The following ATP2C2 variants were observed in gnomAD, a reference collection of about 807,000 sequenced individuals.
The protein encoded by ATP2C2 is ATPase secretory pathway Ca2+ transporting 2.
In ATP2C2, 171 loss-of-function variants were observed where a neutral mutation model predicts 110.8. The observed-to-expected ratio is 1.54, with a 90% CI of 1.36 to 1.75. ATP2C2 has a LOEUF of 1.75. ATP2C2 is among the 40% of genes most tolerant of loss of function. The probability of loss-of-function intolerance (pLI) is 0.00; values close to 1 mark genes in which losing one functional copy is unlikely to be tolerated. For synonymous variants in ATP2C2, 804 were observed against 508.4 expected, an observed-to-expected ratio of 1.58 and a Z score of -7.82; for missense variants, 1,963 against 1,235.0, an observed-to-expected ratio of 1.59 and a Z score of -8.84.
At position 84,448,601 on chromosome 16, in the gene ATP2C2, C is replaced by A. The variant is rs1909976522; in HGVS notation, c.1572C>A (p.Asn524Lys). 6.2e-7 allele frequency: 1 copy of A among 1,614,116 alleles called. No homozygotes were observed. The highest frequency in any genetic ancestry group is 1.3e-5 in the African/African-American group (1 of 75,052). ...TGATCCGCTACTGCACCATGTACAACAACGGGGGCATCCCCCTGCCGCTGA... is the reference window on the plus strand; with the variant it reads ...TGATCCGCTACTGCACCATGTACAAAAACGGGGGCATCCCCCTGCCGCTGA... ...EEVIRYCTMY[N>K]NGGIPLPLTP... The change falls in exon 17 of 27, where the codon AAC (asparagine) becomes AAA (lysine). Residue 524 changes from asparagine (N) to lysine (K), a missense_variant. Coordinates refer to ENST00000262429, the MANE Select transcript of ATP2C2 (RefSeq NM_014861.4).
chr16:84,423,314 C>T (rs1907523292), intron 10 of ATP2C2, 51 bp downstream of exon 10: 2 of 1,540,402 alleles, frequency 1.3e-6, no homozygotes, highest in Non-Finnish European at 1.8e-6. Context: ...GGAGGGGAGC[C>T]ATCATAGGGG....
intron 14 of ATP2C2, among the ~76,000 whole-genome samples, chr16:84,441,618 C>T (rs1909266570): frequency 6.6e-6 from 1 of 152,078 alleles, no homozygotes; most frequent in Admixed American, 6.6e-5. Flanking sequence ...CTTGGTTTTG[C>T]AGATTAAAAA....
intron 15 of ATP2C2, among the ~76,000 whole-genome samples, chr16:84,445,623 G>A (rs1275749715): frequency 6.6e-6 from 1 of 152,160 alleles, no homozygotes; most frequent in Non-Finnish European, 1.5e-5. Context: ...TCCGAGGTTA[G>A]GACTTCAACA....
chr16:84,385,712 C>T (rs756008446), intron 1 of ATP2C2, among the ~76,000 whole-genome samples: 62 of 152,152 alleles, frequency 4.1e-4, no homozygotes, highest in Admixed American at 8.5e-4. Context: ...CTTCACAGAG[C>T]GGCAGGAGAG....
chr16:84,415,856 T>A (rs1906788466), intron 7 of ATP2C2, among the ~76,000 whole-genome samples: 1 of 152,162 alleles, frequency 6.6e-6, no homozygotes, highest in African/African-American at 2.4e-5. Flanking sequence ...CAGGCTGCAA[T>A]AACAAATTAA....
intron 1 of ATP2C2, among the ~76,000 whole-genome samples, 180 bp downstream of exon 1, chr16:84,368,894 G>C (rs1909790654): frequency 6.6e-6 from 1 of 152,220 alleles, no homozygotes; most frequent in Non-Finnish European, 1.5e-5. Context: ...CTGGCGCGGG[G>C]AGCTCAGCAT....
chr16:84,443,519 C>A (rs1909461710), intron 15 of ATP2C2, among the ~76,000 whole-genome samples: 1 of 152,216 alleles, frequency 6.6e-6, no homozygotes, highest in South Asian at 2.1e-4. Context: ...GAGCCTGGCC[C>A]CTGCACTCAC....
chr16:84,420,222 C>G lies in ATP2C2; in HGVS notation c.625-2168C>G, dbSNP rs556108225. 4.0e-3 allele frequency among the ~76,000 whole-genome samples: 616 copies of G among 152,262 alleles called. 2 individuals are homozygous for G. Among genetic ancestry groups the G allele is most frequent in the African/African-American group, 0.014 (576 of 41,550 alleles). On this transcript the variant is annotated intron_variant, in intron 7 of 26. Coordinates refer to ENST00000262429, the MANE Select transcript of ATP2C2 (RefSeq NM_014861.4). ...CCAGTGCTTGTTTATCGTCATTTCC[C>G]CCACCTCCTCCATGGAGTATCATCT... is the stretch of plus-strand genomic sequence containing the variant.
In ATP2C2 at chr16:84,463,869, AGCTGCAGG is replaced by A; in HGVS notation, c.*138_*145del. 1.3e-6 allele frequency: 1 copy of A among 793,144 alleles called. No individual in the cohort carries two copies. Among genetic ancestry groups the A allele is most frequent in the Non-Finnish European group, 2.1e-6 (1 of 486,206 alleles). 49.1% of individuals were successfully genotyped at this position (793,144 alleles called of 1,614,324 possible). A position where few individuals can be genotyped will look rare whatever the true frequency, so the allele number is the denominator to read the frequency against. On this transcript the variant is annotated 3_prime_UTR_variant, in exon 27 of 27. Coordinates refer to ENST00000262429, the MANE Select transcript of ATP2C2 (RefSeq NM_014861.4). ...CCGGATCAGTTTTTCCTCTTAGGAA[AGCTGCAGG>A]AACCTCGTGGGCTCCAGGGACCCAG... is the stretch of plus-strand genomic sequence containing the variant.
At chr16:84,428,585 G>C (rs981389177) in intron 11 of ATP2C2, among the ~76,000 whole-genome samples, 1 of 152,172 alleles carries the variant, frequency 6.6e-6, no homozygotes, top group Admixed American at 6.5e-5. Context: ...AATATTATGT[G>C]ATGATGTGGG....
At chr16:84,462,419 T>C (rs765617764) in intron 26 of ATP2C2, 16 of 328,776 alleles carry the variant, frequency 4.9e-5, no homozygotes, top group Admixed American at 8.2e-5. Context: ...TCAGAGCACG[T>C]GCAGGGAGGA....
At chr16:84,461,967 C>T (rs1008875991) in intron 25 of ATP2C2, 21 bp from the exon 26 acceptor site, 40 of 1,611,500 alleles carry the variant, frequency 2.5e-5, no homozygotes, top group Admixed American at 3.3e-5. Flanking sequence ...CACAATCCCC[C>T]GTGTGACCTT....
At chr16:84,393,594 TGAG>T in intron 1 of ATP2C2, among the ~76,000 whole-genome samples, 1 of 151,906 alleles carries the variant, frequency 6.6e-6, no homozygotes, top group South Asian at 2.1e-4. Context: ...TGTTGGCAAA[TGAG>T]GAAGGAGCAG....
At chr16:84,431,782 C>T (rs980089442) in intron 11 of ATP2C2, among the ~76,000 whole-genome samples, 6 of 152,144 alleles carry the variant, frequency 3.9e-5, no homozygotes, top group Admixed American at 2.6e-4. Context: ...CAATACGCCA[C>T]GCCAGGCTGT....
intron 1 of ATP2C2, among the ~76,000 whole-genome samples, chr16:84,397,662 A>AAAAAAAAAAAAAAAAAAC (rs1567694759): frequency 6.8e-6 from 1 of 146,614 alleles, no homozygotes; most frequent in African/African-American, 2.5e-5. Context: ...TGACAAAAAA[A>AAAAAAAAAAAAAAAAAAC]AAAAAAAAAA....
intron 7 of ATP2C2, among the ~76,000 whole-genome samples, chr16:84,416,219 C>T (rs528863474): frequency 3.2e-4 from 48 of 152,248 alleles, no homozygotes; most frequent in African/African-American, 1.1e-3. Context: ...GGGCAAGCTT[C>T]GTGGGTCTCT....
intron 23 of ATP2C2, 155 bp from the exon 24 acceptor site, chr16:84,460,499 C>T (rs542788343): frequency 7.9e-5 from 79 of 1,006,040 alleles, no homozygotes; most frequent in East Asian, 3.1e-4. Flanking sequence ...TGGAAGGTGC[C>T]GAGGAGGGCA....
Position 84,459,274 on chromosome 16 carries a change from ATCTCCGCCCTGAGTC to A in ATP2C2, c.2224_2238del (p.Ser742_Leu746del). 1 of 1,614,190 alleles carries A rather than the reference ATCTCCGCCCTGAGTC, an allele frequency of 6.2e-7. No individual in the cohort carries two copies. The highest frequency in any genetic ancestry group is 8.5e-7 in the Non-Finnish European group (1 of 1,180,024). On this transcript the variant is annotated inframe_deletion, in exon 23 of 27. Coordinates refer to ENST00000262429, the MANE Select transcript of ATP2C2 (RefSeq NM_014861.4). ...CTGGCTGCGTGTGCCCCGCAGGAGC[ATCTCCGCCCTGAGTC>A]TCATCACTCTGTCCACCGTGTTCAA...
chr16:84,426,405 G>T (rs558778238), intron 11 of ATP2C2, among the ~76,000 whole-genome samples: 50 of 152,266 alleles, frequency 3.3e-4, no homozygotes, highest in Admixed American at 2.7e-3. Flanking sequence ...TCAACTTGAG[G>T]TTTGAGTTGG....
Sources: allele counts gnomAD v4.1 joint callset (sites outside exome capture counted in the v4.1 genomes callset), GRCh38; gene constraint gnomAD v4.1.1; transcripts MANE v1.5; gene names NCBI Gene and HGNC (gene_info 2026-07-23, HGNC 2026-07-21).